XPO4: variants seen among roughly 807,000 people sequenced by gnomAD.
XPO4 encodes the protein exportin-4.
A neutral mutation model predicts 143.0 loss-of-function variants in XPO4; 39 were observed. That is an observed-to-expected ratio of 0.27 (90% confidence interval 0.21 to 0.36). XPO4 has a LOEUF of 0.36. Ranked by LOEUF, XPO4 falls within the 10% of genes least tolerant of loss-of-function variation. The pLI is 1.00. For synonymous variants in XPO4, 439 were observed against 474.0 expected (o/e 0.93, Z 0.96); for missense variants, 907 against 1,348.0 (o/e 0.67, Z 5.12).
intron 2 of XPO4, among the ~76,000 whole-genome samples, chr13:20,867,612 T>C (rs2138132473): frequency 6.6e-6 from 1 of 152,358 alleles, no homozygotes; most frequent in Non-Finnish European, 1.5e-5. Context: ...ATCAGCACTC[T>C]TTCCACTACA....
chr13:20,834,137 C>T (rs1199757561), intron 6 of XPO4, among the ~76,000 whole-genome samples: 2 of 152,092 alleles, frequency 1.3e-5, no homozygotes, highest in East Asian at 3.8e-4. Context: ...ACCACTGGGT[C>T]TGGGTAGGTG....
intron 1 of XPO4, 148 bp downstream of exon 1, chr13:20,902,522 T>C: frequency 1.5e-6 from 2 of 1,331,012 alleles, no homozygotes; most frequent in Non-Finnish European, 1.9e-6. Context: ...TGAAGAATCC[T>C]GCGCCACGCC....
intron 6 of XPO4, among the ~76,000 whole-genome samples, chr13:20,841,702 G>C (rs1453248335): frequency 6.6e-6 from 1 of 151,898 alleles, no homozygotes; most frequent in African/African-American, 2.4e-5. Flanking sequence ...AGTTTAAATG[G>C]AAGAAGGAGT....
chr13:20,896,185 T>C (rs1355712507), intron 1 of XPO4, among the ~76,000 whole-genome samples: 1 of 152,214 alleles, frequency 6.6e-6, no homozygotes, highest in Non-Finnish European at 1.5e-5. Context: ...TCTGAATACA[T>C]TGTAATAGTT....
chr13:20,833,522 T>G (rs2059877897), intron 6 of XPO4, among the ~76,000 whole-genome samples: 1 of 152,210 alleles, frequency 6.6e-6, no homozygotes, highest in South Asian at 2.1e-4. Context: ...TGTACATTGT[T>G]GCACTGTTTT....
At chr13:20,860,602 T>C (rs2060188016) in intron 3 of XPO4, among the ~76,000 whole-genome samples, 1 of 152,228 alleles carries the variant, frequency 6.6e-6, no homozygotes, top group Non-Finnish European at 1.5e-5. Context: ...CACCTGTACT[T>C]ACCTTTCTTT....
At chr13:20,839,153 A>G (rs2059948145) in intron 6 of XPO4, among the ~76,000 whole-genome samples, 1 of 152,092 alleles carries the variant, frequency 6.6e-6, no homozygotes, top group African/African-American at 2.4e-5. Flanking sequence ...AGTCCCAGCT[A>G]CTCAGGAGGC....
chr13:20,808,973 G>C (rs1448722603), intron 11 of XPO4, 110 bp downstream of exon 11: 1 of 1,234,540 alleles, frequency 8.1e-7, no homozygotes, highest in Admixed American at 2.3e-5. Flanking sequence ...GTTCCAGTGT[G>C]CTGGGACACG....
At chr13:20,818,528 T>C (rs995315789) in intron 9 of XPO4, among the ~76,000 whole-genome samples, 3 of 152,204 alleles carry the variant, frequency 2.0e-5, no homozygotes, top group African/African-American at 7.2e-5. Flanking sequence ...CTGAAAAAAG[T>C]ATTCTCACAG....
intron 4 of XPO4, among the ~76,000 whole-genome samples, chr13:20,846,578 T>A (rs1175571846): frequency 6.6e-6 from 1 of 152,216 alleles, no homozygotes; most frequent in African/African-American, 2.4e-5. Context: ...CAAAATGCAC[T>A]TATAGACTTA....
intron 19 of XPO4, among the ~76,000 whole-genome samples, chr13:20,788,839 C>T (rs1425701454): frequency 6.6e-6 from 1 of 152,152 alleles, no homozygotes; most frequent in Non-Finnish European, 1.5e-5. Flanking sequence ...ACAGTCAAAA[C>T]AATTATCTTC....
intron 1 of XPO4, among the ~76,000 whole-genome samples, chr13:20,895,894 G>A (rs2060564412): frequency 2.0e-5 from 3 of 152,112 alleles, no homozygotes; most frequent in Non-Finnish European, 4.4e-5. Context: ...TCAATTTGGT[G>A]TAACTGGACA....
chr13:20,791,759 TTC>T (rs2059282248), intron 18 of XPO4, among the ~76,000 whole-genome samples: 1 of 152,216 alleles, frequency 6.6e-6, no homozygotes, highest in Non-Finnish European at 1.5e-5. Context: ...AGCATGATTT[TTC>T]TGTCTCTATA....
intron 18 of XPO4, among the ~76,000 whole-genome samples, chr13:20,793,630 T>C (rs923481250): frequency 5.9e-5 from 9 of 152,090 alleles, no homozygotes; most frequent in Admixed American, 5.2e-4. Context: ...CTCGGCTCAC[T>C]GCAAGCTCCG....
At chr13:20,820,376 G>A (rs999383261) in intron 9 of XPO4, among the ~76,000 whole-genome samples, 2 of 152,162 alleles carry the variant, frequency 1.3e-5, no homozygotes, top group East Asian at 1.9e-4. Flanking sequence ...TTAGGAACAC[G>A]CTTAACTCAC....
chr13:20,792,491 C>T (rs950420781), intron 18 of XPO4, among the ~76,000 whole-genome samples: 2 of 152,098 alleles, frequency 1.3e-5, no homozygotes, highest in Non-Finnish European at 2.9e-5. Context: ...ATCACTTGAA[C>T]CGAGGAGGCA....
rs1209572813 is a variant in XPO4, at chr13:20,783,059, C to G, written c.*663G>C. The G allele has an allele frequency of 6.6e-6, 1 of 152,198 alleles. No individual in the cohort carries two copies. Among genetic ancestry groups the G allele is most frequent in the Non-Finnish European group, 1.5e-5 (1 of 68,036 alleles). The allele number at this position is 152,198 out of a possible 1,614,324, so 9.4% of individuals were successfully genotyped here. On this transcript the variant is annotated 3_prime_UTR_variant, in exon 23 of 23. Transcript: ENST00000255305. ...CAAGCTAAGAAAAAGCCAACAAACC[C>G]CTGGTGATGTTTCCCCTTCCTGCTG... is the stretch of plus-strand genomic sequence containing the variant.
At chr13:20,848,628 T>C (rs1479407612) in intron 4 of XPO4, 32 of 985,210 alleles carry the variant, frequency 3.2e-5, no homozygotes, top group Non-Finnish European at 3.9e-5. Flanking sequence ...CTAAATGTGT[T>C]ACACCACTTA....
At chr13:20,887,413 C>T (rs2060471151) in intron 1 of XPO4, among the ~76,000 whole-genome samples, 1 of 152,092 alleles carries the variant, frequency 6.6e-6, no homozygotes, top group African/African-American at 2.4e-5. Flanking sequence ...ACCCCACAAA[C>T]GTATGCAATT....
Sources: allele counts gnomAD v4.1 joint callset (sites outside exome capture counted in the v4.1 genomes callset), GRCh38; gene constraint gnomAD v4.1.1; transcripts MANE v1.5; gene names NCBI Gene and HGNC (gene_info 2026-07-23, HGNC 2026-07-21).